IMMP2L: variants seen among roughly 807,000 people sequenced by gnomAD.
IMMP2L encodes mitochondrial inner membrane protease subunit 2.
Under a neutral mutation model 19.3 loss-of-function variants are expected in IMMP2L, and 18 were observed. The ratio of observed to expected loss-of-function variants is 0.93; its 90% CI spans 0.64 to 1.38. The LOEUF (loss-of-function observed/expected upper bound fraction) is 1.38, where lower values mean the gene tolerates loss of function less well. IMMP2L is among the 40% of genes most tolerant of loss of function. The probability of loss-of-function intolerance (pLI) is 0.00; values close to 1 mark genes in which losing one functional copy is unlikely to be tolerated. For synonymous variants in IMMP2L, 76 were observed against 73.0 expected (o/e 1.04, Z -0.21); for missense variants, 233 against 218.2 (o/e 1.07, Z -0.43).
At chr7:111,205,946 G>A (rs559950681) in intron 3 of IMMP2L, among the ~76,000 whole-genome samples, 1 of 152,258 alleles carries the variant, frequency 6.6e-6, no homozygotes, top group East Asian at 1.9e-4. Context: ...AAGCCTTTAT[G>A]CATCATCTAC....
At chr7:110,848,916 T>G (rs10261307) in intron 5 of IMMP2L, among the ~76,000 whole-genome samples, 8,116 of 152,094 alleles carry the variant, frequency 0.053, 697 homozygotes, top group African/African-American at 0.18. Flanking sequence ...AGAAATTAGT[T>G]GGGAGGAAAG....
intron 3 of IMMP2L, among the ~76,000 whole-genome samples, chr7:111,265,171 G>A (rs1288813858): frequency 6.6e-6 from 1 of 152,124 alleles, no homozygotes; most frequent in Non-Finnish European, 1.5e-5. Flanking sequence ...TTCCCACATG[G>A]TTCAGCTGAC....
At chr7:110,717,970 G>A (rs1723250325) in intron 5 of IMMP2L, among the ~76,000 whole-genome samples, 1 of 152,206 alleles carries the variant, frequency 6.6e-6, no homozygotes, top group Non-Finnish European at 1.5e-5. Flanking sequence ...GAAGCCAAAG[G>A]AAGGAAGAAA....
chr7:111,255,905 G>C (rs1816641953), intron 3 of IMMP2L, among the ~76,000 whole-genome samples: 1 of 151,958 alleles, frequency 6.6e-6, no homozygotes, highest in Non-Finnish European at 1.5e-5. Context: ...TAGTAGTTTT[G>C]TCTGTATTCT....
At chr7:111,325,860 T>C (rs1183843239) in intron 3 of IMMP2L, among the ~76,000 whole-genome samples, 1 of 151,760 alleles carries the variant, frequency 6.6e-6, no homozygotes, top group Non-Finnish European at 1.5e-5. Context: ...GTTGATTCAT[T>C]TGCATTTCTT....
intron 3 of IMMP2L, among the ~76,000 whole-genome samples, chr7:110,984,266 A>G (rs750761656): frequency 1.3e-5 from 2 of 151,560 alleles, no homozygotes; most frequent in Non-Finnish European, 2.9e-5. Context: ...TGCTTAAGCT[A>G]GTTGAGTGGT....
intron 5 of IMMP2L, among the ~76,000 whole-genome samples, chr7:110,770,024 T>C (rs1483159125): frequency 6.6e-6 from 1 of 152,154 alleles, no homozygotes; most frequent in Non-Finnish European, 1.5e-5. Context: ...CCAGTCCCTA[T>C]GCATTCATAC....
chr7:111,554,996 G>A (rs754712819), intron 1 of IMMP2L, among the ~76,000 whole-genome samples: 4 of 152,050 alleles, frequency 2.6e-5, no homozygotes, highest in Non-Finnish European at 2.9e-5. Flanking sequence ...CGATGACCTT[G>A]AGAAGTAGGA....
At chr7:111,030,509 A>C (rs1481850195) in intron 3 of IMMP2L, among the ~76,000 whole-genome samples, 1 of 152,124 alleles carries the variant, frequency 6.6e-6, no homozygotes, top group Non-Finnish European at 1.5e-5. Context: ...TACACAACAA[A>C]CATGAGGAAG....
intron 2 of IMMP2L, among the ~76,000 whole-genome samples, chr7:111,500,520 C>T (rs577699118): frequency 3.9e-5 from 6 of 152,272 alleles, no homozygotes; most frequent in Non-Finnish European, 5.9e-5. Flanking sequence ...CAAGTGGGTC[C>T]CTGACTCCCA....
intron 3 of IMMP2L, among the ~76,000 whole-genome samples, chr7:111,075,934 A>G (rs1187701048): frequency 6.6e-6 from 1 of 152,204 alleles, no homozygotes; most frequent in Non-Finnish European, 1.5e-5. Context: ...TTTACAGCCA[A>G]TTTAATTGTT....
intron 3 of IMMP2L, among the ~76,000 whole-genome samples, chr7:111,338,644 A>T (rs1459093210): frequency 6.6e-6 from 1 of 152,064 alleles, no homozygotes; most frequent in African/African-American, 2.4e-5. Flanking sequence ...CTTATCTAGC[A>T]TCATTTAGCC....
At chr7:110,883,678 A>G (rs1002032498) in intron 5 of IMMP2L, among the ~76,000 whole-genome samples, 6 of 152,176 alleles carry the variant, frequency 3.9e-5, no homozygotes, top group African/African-American at 1.4e-4. Flanking sequence ...CTTGAAATGT[A>G]TAAGCCAAAA....
At chr7:110,737,039 G>T (rs529996869) in intron 5 of IMMP2L, among the ~76,000 whole-genome samples, 55 of 152,252 alleles carry the variant, frequency 3.6e-4, no homozygotes, top group Middle Eastern at 3.4e-3. Flanking sequence ...GAAATTGAGG[G>T]TTTAAGATGG....
intron 4 of IMMP2L, among the ~76,000 whole-genome samples, chr7:110,906,719 A>T (rs187019066): frequency 1.2e-4 from 19 of 152,222 alleles, no homozygotes; most frequent in Admixed American, 1.2e-3. Context: ...TGAAAAAAAA[A>T]CCATACCAAA....
chr7:111,243,050 CAT>C (rs930807722), intron 3 of IMMP2L, among the ~76,000 whole-genome samples: 10 of 152,076 alleles, frequency 6.6e-5, no homozygotes, highest in Non-Finnish European at 1.2e-4. Context: ...TTGTGAACCA[CAT>C]GTCTGAAGGT....
chr7:111,243,730 T>C (rs868831766), intron 3 of IMMP2L, among the ~76,000 whole-genome samples: 1,166 of 92,034 alleles, frequency 0.013, 14 homozygotes, highest in African/African-American at 0.031. Context: ...TGTGATCTCA[T>C]TGTTCAATTC....
intron 3 of IMMP2L, among the ~76,000 whole-genome samples, chr7:111,012,810 C>G (rs1265757377): frequency 6.6e-6 from 1 of 152,088 alleles, no homozygotes; most frequent in Non-Finnish European, 1.5e-5. Context: ...GAAATGAAAG[C>G]TGAGAGGGTT....
chr7:111,330,411 T>C (rs1192776592), intron 3 of IMMP2L, among the ~76,000 whole-genome samples: 1 of 151,284 alleles, frequency 6.6e-6, no homozygotes, highest in Non-Finnish European at 1.5e-5. Context: ...CTTTTTAAAA[T>C]AAAATATGAC....
Sources: allele counts gnomAD v4.1 joint callset (sites outside exome capture counted in the v4.1 genomes callset), GRCh38; gene constraint gnomAD v4.1.1; transcripts MANE v1.5; gene names NCBI Gene and HGNC (gene_info 2026-07-23, HGNC 2026-07-21).